The following PREX2 variants were observed in gnomAD, a reference collection of about 807,000 sequenced individuals.
The protein encoded by PREX2 is phosphatidylinositol-3,4,5-trisphosphate dependent Rac exchange factor 2, also known as phosphatidylinositol 3,4,5-trisphosphate-dependent Rac exchanger 2 protein.
PREX2 carries 107 observed loss-of-function variants against 203.2 expected under a neutral mutation model. The ratio of observed to expected loss-of-function variants is 0.53; its 90% CI spans 0.45 to 0.62. PREX2 has a LOEUF of 0.62. Ranked by LOEUF, PREX2 falls within the 20% of genes least tolerant of loss-of-function variation. The pLI, the probability that PREX2 is intolerant of heterozygous loss-of-function variation, is 0.00. For synonymous variants in PREX2, 672 were observed against 663.6 expected (o/e 1.01, Z -0.19); for missense variants, 1,777 against 1,955.9 (o/e 0.91, Z 1.72).
chr8:68,020,333 C>CAAAA (rs67292795), intron 3 of PREX2, among the ~76,000 whole-genome samples: 1 of 106,112 alleles, frequency 9.4e-6, no homozygotes, highest in South Asian at 2.9e-4. Context: ...GCATTCACAC[C>CAAAA]AAAAAAAAAA....
intron 1 of PREX2, among the ~76,000 whole-genome samples, chr8:68,002,912 G>A (rs146089866): frequency 1.0e-3 from 152 of 152,298 alleles, no homozygotes; most frequent in Middle Eastern, 6.8e-3. Context: ...TGGAGCTGTG[G>A]TAGTAGGGAA....
chr8:68,210,796 C>T (rs1296009438), intron 37 of PREX2, among the ~76,000 whole-genome samples: 1 of 152,044 alleles, frequency 6.6e-6, no homozygotes, highest in Non-Finnish European at 1.5e-5. Flanking sequence ...CTGTAGGAGG[C>T]CCGTAGTTTT....
chr8:68,132,185 C>G (rs1027802613), intron 31 of PREX2, among the ~76,000 whole-genome samples: 1 of 152,056 alleles, frequency 6.6e-6, no homozygotes, highest in African/African-American at 2.4e-5. Flanking sequence ...GCCACTGACT[C>G]TTTATTTTAA....
chr8:67,999,473 C>CCAACCAAAAAAAAAAAAAAAAAAAAA (rs1220714969), intron 1 of PREX2, among the ~76,000 whole-genome samples: 2 of 23,022 alleles, frequency 8.7e-5, no homozygotes, highest in Admixed American at 5.5e-4. Flanking sequence ...AAATAGCCAA[C>CCAACCAAAAAAAAAAAAAAAAAAAAA]AAACCAAAAA....
intron 9 of PREX2, 83 bp downstream of exon 9, chr8:68,053,329 A>G (rs1049363807): frequency 7.0e-7 from 1 of 1,432,616 alleles, no homozygotes; most frequent in African/African-American, 1.4e-5. Context: ...ACATGAGAAA[A>G]TGGAAAGGTA....
chr8:68,082,958 G>C lies in PREX2; in HGVS notation c.1879-282G>C, dbSNP rs1809575752. The C allele has an allele frequency of 1.5e-5, 4 of 268,538 alleles. No homozygotes were observed. In the East Asian group the frequency reaches 2.6e-4, roughly 18 times the overall value. 16.6% of individuals were successfully genotyped at this position (268,538 alleles called of 1,614,324 possible). ...AGTTAAAAGGATGAAATAAGCTAAA[G>C]AACAGTAAAATATAACAGAAGAGGG... On this transcript the variant is annotated intron_variant, in intron 17 of 39. Transcript: ENST00000288368.
At chr8:68,021,145 A>G (rs1256417772) in intron 3 of PREX2, among the ~76,000 whole-genome samples, 1 of 152,180 alleles carries the variant, frequency 6.6e-6, no homozygotes. Context: ...TTTTAAAAGA[A>G]TATCTCCTAT....
intron 20 of PREX2, 83 bp from the exon 21 acceptor site, chr8:68,093,522 A>G (rs961625727): frequency 5.2e-6 from 3 of 579,964 alleles, no homozygotes; most frequent in Non-Finnish European, 6.2e-6. Flanking sequence ...ATCTAGAGGA[A>G]TAAATAAGGC....
intron 1 of PREX2, among the ~76,000 whole-genome samples, chr8:68,017,559 A>G (rs1585708627): frequency 1.3e-5 from 2 of 152,206 alleles, no homozygotes; most frequent in East Asian, 1.9e-4. Context: ...AGTTTAGGAA[A>G]CATCTGACTC....
At chr8:68,062,278 A>G (rs1808880751) in intron 11 of PREX2, among the ~76,000 whole-genome samples, 1 of 152,176 alleles carries the variant, frequency 6.6e-6, no homozygotes, top group Non-Finnish European at 1.5e-5. Flanking sequence ...CTCCTGTAGT[A>G]CACTCTCCGG....
At chr8:68,084,523 C>T (rs1440499602) in intron 18 of PREX2, among the ~76,000 whole-genome samples, 2 of 152,062 alleles carry the variant, frequency 1.3e-5, no homozygotes, top group African/African-American at 4.8e-5. Context: ...GTGCAGTGGG[C>T]TGGGTTCTCC....
At chr8:68,168,737 A>T (rs1005350083) in intron 35 of PREX2, among the ~76,000 whole-genome samples, 5 of 152,192 alleles carry the variant, frequency 3.3e-5, no homozygotes, top group Non-Finnish European at 5.9e-5. Context: ...TTTACGGGCC[A>T]CAAGCCCACA....
At chr8:68,199,814 T>C (rs1023290116) in intron 37 of PREX2, among the ~76,000 whole-genome samples, 5 of 152,206 alleles carry the variant, frequency 3.3e-5, no homozygotes, top group African/African-American at 1.2e-4. Flanking sequence ...AATTGACAAA[T>C]AGGCCCAGAT....
At chr8:68,104,201 G>C (rs890775914) in intron 23 of PREX2, among the ~76,000 whole-genome samples, 2 of 152,028 alleles carry the variant, frequency 1.3e-5, no homozygotes, top group African/African-American at 4.8e-5. Flanking sequence ...GGTGGCCTTG[G>C]GTGAGCCACT....
chr8:68,095,934 G>A (rs576021992), intron 21 of PREX2, among the ~76,000 whole-genome samples: 5 of 152,146 alleles, frequency 3.3e-5, no homozygotes, highest in South Asian at 2.1e-4. Flanking sequence ...GAGTCATGGC[G>A]CCTAGCCTGT....
At chr8:68,211,429 T>C (rs929572531) in intron 37 of PREX2, among the ~76,000 whole-genome samples, 1 of 152,198 alleles carries the variant, frequency 6.6e-6, no homozygotes, top group African/African-American at 2.4e-5. Flanking sequence ...TCTGAGAAAC[T>C]GGGATTTACT....
chr8:68,193,092 C>T (rs745897378), intron 37 of PREX2, among the ~76,000 whole-genome samples: 2 of 152,102 alleles, frequency 1.3e-5, no homozygotes, highest in Non-Finnish European at 2.9e-5. Flanking sequence ...CTGAGGCAGC[C>T]AAGATGACAG....
chr8:67,977,673 C>T (rs112213293), intron 1 of PREX2, among the ~76,000 whole-genome samples: 2,735 of 152,218 alleles, frequency 0.018, 80 homozygotes, highest in African/African-American at 0.055. Context: ...GCCCCACACT[C>T]AACCTCTGGG....
At chr8:68,094,314 A>G (rs890024424) in intron 21 of PREX2, among the ~76,000 whole-genome samples, 1 of 152,212 alleles carries the variant, frequency 6.6e-6, no homozygotes, top group Non-Finnish European at 1.5e-5. Context: ...CTGTATTCTA[A>G]CATTGACAGT....
Sources: allele counts gnomAD v4.1 joint callset (sites outside exome capture counted in the v4.1 genomes callset), GRCh38; gene constraint gnomAD v4.1.1; transcripts MANE v1.5; gene names NCBI Gene and HGNC (gene_info 2026-07-23, HGNC 2026-07-21).